Variants in THSD7A observed in about 807,000 individuals in gnomAD.
THSD7A encodes the protein thrombospondin type 1 domain containing 7A, also known as thrombospondin type-1 domain-containing protein 7A.
A neutral mutation model predicts 231.3 loss-of-function variants in THSD7A; 96 were observed. The observed-to-expected ratio is 0.41, with a 90% CI of 0.35 to 0.49. The LOEUF (loss-of-function observed/expected upper bound fraction) is 0.49. THSD7A is among the 20% of genes least tolerant of loss of function. The probability of loss-of-function intolerance (pLI) is 0.05; values close to 1 mark genes in which losing one functional copy is unlikely to be tolerated. For synonymous variants in THSD7A, 940 were observed against 743.3 expected, an observed-to-expected ratio of 1.26 and a Z score of -4.30; for missense variants, 2,290 against 2,070.2, an observed-to-expected ratio of 1.11 and a Z score of -2.06.
intron 6 of THSD7A, among the ~76,000 whole-genome samples, chr7:11,525,250 CA>C (rs1278828175): frequency 6.8e-6 from 1 of 146,714 alleles, no homozygotes; most frequent in Non-Finnish European, 1.5e-5. Context: ...ACAGTTCATC[CA>C]AAGAGCACTG....
intron 1 of THSD7A, among the ~76,000 whole-genome samples, chr7:11,796,179 A>C (rs1251548228): frequency 6.6e-6 from 1 of 150,432 alleles, no homozygotes; most frequent in Non-Finnish European, 1.5e-5. Context: ...TTTGAATCAT[A>C]TGAGTTTCAT....
chr7:11,402,350 A>C (rs1783435483), intron 22 of THSD7A, among the ~76,000 whole-genome samples: 1 of 152,230 alleles, frequency 6.6e-6, no homozygotes, highest in Non-Finnish European at 1.5e-5. Context: ...GAAAGCCTAA[A>C]TATAAACAGA....
chr7:11,427,229 T>C (rs1460199585), intron 14 of THSD7A, among the ~76,000 whole-genome samples: 1 of 152,224 alleles, frequency 6.6e-6, no homozygotes, highest in African/African-American at 2.4e-5. Context: ...TTTACAATTT[T>C]CAACATTAAC....
At chr7:11,572,294 T>C (rs1790671287) in intron 4 of THSD7A, among the ~76,000 whole-genome samples, 1 of 152,206 alleles carries the variant, frequency 6.6e-6, no homozygotes, top group Non-Finnish European at 1.5e-5. Flanking sequence ...CAATGCTTTA[T>C]TCTACTCAGA....
At position 11,752,837 on chromosome 7, in the gene THSD7A, G is replaced by C. The variant is rs115466537; in HGVS notation, c.190+78920C>G. Among the ~76,000 whole-genome samples, 1,350 of 152,080 alleles carry C rather than the reference G, an allele frequency of 8.9e-3. 23 individuals carry two copies. The highest frequency in any genetic ancestry group is 0.031 in the African/African-American group (1,274 of 41,498). On this transcript the variant is annotated intron_variant, in intron 1 of 27. Transcript: ENST00000423059. ...GCTACTCAAGAGGCTGAGTTGAGAG[G>C]ATTGCTTGAGGCCGAGAGGTCAAGG...
intron 1 of THSD7A, among the ~76,000 whole-genome samples, chr7:11,765,866 G>A (rs1783014896): frequency 6.6e-6 from 1 of 152,082 alleles, no homozygotes; most frequent in Non-Finnish European, 1.5e-5. Flanking sequence ...GTCAGAACCT[G>A]AGCAACTTAG....
intron 1 of THSD7A, among the ~76,000 whole-genome samples, chr7:11,762,395 T>C (rs566917011): frequency 6.6e-6 from 1 of 152,238 alleles, no homozygotes; most frequent in Non-Finnish European, 1.5e-5. Flanking sequence ...ATCCTAGCTA[T>C]GATTTATTAT....
chr7:11,559,022 T>C (rs180702974), intron 4 of THSD7A, among the ~76,000 whole-genome samples: 55 of 152,294 alleles, frequency 3.6e-4, no homozygotes, highest in African/African-American at 1.3e-3. Flanking sequence ...AGGTACTTGA[T>C]ATGCCATTGC....
intron 6 of THSD7A, among the ~76,000 whole-genome samples, chr7:11,506,819 C>A (rs1054679112): frequency 2.0e-5 from 3 of 152,214 alleles, no homozygotes; most frequent in Non-Finnish European, 2.9e-5. Flanking sequence ...CATTTAACTT[C>A]TATCTTCCTA....
intron 1 of THSD7A, among the ~76,000 whole-genome samples, chr7:11,657,782 T>A (rs956406243): frequency 2.6e-5 from 4 of 151,862 alleles, no homozygotes; most frequent in African/African-American, 9.7e-5. Flanking sequence ...ATGAAAGCAC[T>A]TTTTAAAGCA....
In THSD7A at chr7:11,463,913, G is replaced by A. The variant is rs1310087236; in HGVS notation, c.2369-1770C>T. On this transcript the variant is annotated intron_variant, in intron 9 of 27. Coordinates refer to ENST00000423059, the MANE Select transcript of THSD7A (RefSeq NM_015204.3). ...TGATAAATTCCTTTAATAATTCAGA[G>A]CTAGGGAAAATTCTGTCTCCCTTGA... Among the ~76,000 whole-genome samples, 4 of 152,044 alleles carry A rather than the reference G, an allele frequency of 2.6e-5. No homozygotes were observed. In the East Asian group the frequency reaches 7.7e-4, roughly 29 times the overall value.
intron 1 of THSD7A, among the ~76,000 whole-genome samples, chr7:11,827,845 A>T (rs1421168738): frequency 1.3e-5 from 2 of 152,152 alleles, no homozygotes; most frequent in African/African-American, 4.8e-5. Flanking sequence ...AACACTAAGC[A>T]ATCTGTTCTT....
chr7:11,391,078 C>A (rs906275698), intron 23 of THSD7A, among the ~76,000 whole-genome samples: 4 of 152,206 alleles, frequency 2.6e-5, no homozygotes, highest in African/African-American at 9.7e-5. Context: ...GGGGTCGGGA[C>A]CCACTTGAGG....
intron 1 of THSD7A, among the ~76,000 whole-genome samples, chr7:11,811,769 T>C (rs2355099): frequency 0.86 from 131,110 of 152,160 alleles, 56,908 homozygotes; most frequent in African/African-American, 0.96. Context: ...TAGCTGCCTG[T>C]GGACAAATAT....
chr7:11,587,401 C>G (rs1779954338), intron 4 of THSD7A, among the ~76,000 whole-genome samples: 1 of 152,142 alleles, frequency 6.6e-6, no homozygotes, highest in Non-Finnish European at 1.5e-5. Context: ...ATTCTGCTCA[C>G]CTGAATATTG....
At chr7:11,728,972 T>A (rs959158730) in intron 1 of THSD7A, among the ~76,000 whole-genome samples, 1 of 151,800 alleles carries the variant, frequency 6.6e-6, no homozygotes, top group East Asian at 1.9e-4. Flanking sequence ...ATTTTCTAAT[T>A]TCTACCTTAA....
intron 2 of THSD7A, among the ~76,000 whole-genome samples, chr7:11,606,286 A>G (rs1171451453): frequency 2.6e-5 from 4 of 152,158 alleles, no homozygotes; most frequent in Admixed American, 6.6e-5. Flanking sequence ...CATGCACAGT[A>G]AGACCATGTC....
At chr7:11,564,287 T>C (rs538928365) in intron 4 of THSD7A, among the ~76,000 whole-genome samples, 34 of 152,174 alleles carry the variant, frequency 2.2e-4, no homozygotes, top group Non-Finnish European at 4.7e-4. Flanking sequence ...AGGAGGGAGT[T>C]ATCACGTGGA....
intron 1 of THSD7A, among the ~76,000 whole-genome samples, chr7:11,715,529 G>C (rs1423481418): frequency 6.6e-6 from 1 of 151,376 alleles, no homozygotes; most frequent in African/African-American, 2.4e-5. Flanking sequence ...CACACAACCT[G>C]CTGTTAAGAT....
Sources: gnomAD v4.1 joint callset for allele counts (sites outside exome capture counted in the v4.1 genomes callset) on GRCh38, gnomAD v4.1.1 for gene constraint, MANE v1.5 for transcripts, NCBI Gene and HGNC (gene_info 2026-07-23, HGNC 2026-07-21) for gene names.